Variants in CMTM4 observed in about 807,000 individuals in gnomAD.
CMTM4 encodes CKLF-like MARVEL transmembrane domain-containing protein 4.
In CMTM4, 8 loss-of-function variants were observed where a neutral mutation model predicts 19.0. The ratio of observed to expected loss-of-function variants is 0.42; its 90% CI spans 0.25 to 0.76. The LOEUF (loss-of-function observed/expected upper bound fraction) is 0.76, where lower values mean the gene tolerates loss of function less well. Among genes scored for constraint, CMTM4 ranks in the 30% least tolerant of loss-of-function variants. The pLI is 0.27. For missense variants in CMTM4, 228 were observed against 290.2 expected, an observed-to-expected ratio of 0.79 and a Z score of 1.56; for synonymous variants, 106 against 121.1, an observed-to-expected ratio of 0.88 and a Z score of 0.82.
At chr16:66,667,666 G>C (rs2016623771) in intron 1 of CMTM4, among the ~76,000 whole-genome samples, 2 of 152,330 alleles carry the variant, frequency 1.3e-5, no homozygotes, top group African/African-American at 2.4e-5. Flanking sequence ...GAGGTGGGCA[G>C]ATCACGAGGT....
downstream of CMTM4, chr16:66,610,716 G>C (rs1004817396): frequency 2.5e-5 from 10 of 397,880 alleles, no homozygotes; most frequent in African/African-American, 1.6e-4. This position sits in a 1 kb window ranked among gnomAD's most constrained non-coding sequence, Gnocchi z 4.6. Context: ...ATGTGCCCCT[G>C]TGCTGGCAGT....
the CMTM4 span, chr16:66,604,970 C>T: frequency 2.0e-6 from 3 of 1,482,088 alleles, no homozygotes; most frequent in East Asian, 8.7e-5. Flanking sequence ...CGGCGGGACC[C>T]TCGGCCGCCC....
chr16:66,643,169 C>A (rs2016128534), intron 1 of CMTM4, among the ~76,000 whole-genome samples: 1 of 152,190 alleles, frequency 6.6e-6, no homozygotes, highest in African/African-American at 2.4e-5. Context: ...GATCCACCCA[C>A]CTCAGCCCTG....
Position 66,620,108 on chromosome 16 carries a change from T to A in CMTM4, c.*1950A>T, listed in dbSNP as rs1389263979. 3 of 985,452 alleles carry A rather than the reference T, an allele frequency of 3.0e-6. No homozygotes were observed. The African/African-American group carries it at 5.2e-5, about 17-fold the overall frequency. 61.0% of individuals were successfully genotyped at this position (985,452 alleles called of 1,614,324 possible). A position where few individuals can be genotyped will look rare whatever the true frequency, so the allele number is the denominator to read the frequency against. ...ATCTCACTTCAAAGATGGCCTTTTT[T>A]GGGGGCCAAGTAACATGATTCCCAG... On this transcript the variant is annotated 3_prime_UTR_variant, in exon 4 of 4. Transcript: ENST00000394106.
At chr16:66,605,138 C>CGG in the CMTM4 span, 1 of 503,674 alleles carries the variant, frequency 2.0e-6, no homozygotes, top group Admixed American at 4.6e-5. This position sits in a 1 kb window ranked among gnomAD's most constrained non-coding sequence, Gnocchi z 4.6. Flanking sequence ...CTTTGGACGG[C>CGG]GGGGCGGGGC....
the CMTM4 span, among the ~76,000 whole-genome samples, chr16:66,598,337 G>A: frequency 1.3e-5 from 2 of 152,048 alleles, no homozygotes; most frequent in African/African-American, 2.4e-5. Flanking sequence ...CATCATGAGT[G>A]TGCAGTTAAC....
At position 66,617,107 on chromosome 16, in the gene CMTM4, A is replaced by G. The variant is rs1469432848; in HGVS notation, c.*4951T>C. The G allele has an allele frequency of 1.7e-6, 1 of 590,704 alleles. No individual in the cohort carries two copies. Among genetic ancestry groups the G allele is most frequent in the African/African-American group, 1.9e-5 (1 of 53,294 alleles). 36.6% of individuals were successfully genotyped at this position (590,704 alleles called of 1,614,324 possible). A position where few individuals can be genotyped will look rare whatever the true frequency, so the allele number is the denominator to read the frequency against. On this transcript the variant is annotated 3_prime_UTR_variant, in exon 4 of 4. Coordinates refer to ENST00000394106, the MANE Select transcript of CMTM4 (RefSeq NM_181521.3). ...CAATAGCTCCCTGGGGGTCCAAGCC[A>G]AAGGCTCCCTGGCCTTTGTGTATTA...
chr16:66,607,020 T>TG, the CMTM4 span, among the ~76,000 whole-genome samples: 2 of 152,142 alleles, frequency 1.3e-5, no homozygotes, highest in Non-Finnish European at 2.9e-5. Context: ...TAACTCTATC[T>TG]GGGGGGTCAG....
At chr16:66,680,164 T>C (rs890089970) in intron 1 of CMTM4, among the ~76,000 whole-genome samples, 2 of 152,122 alleles carry the variant, frequency 1.3e-5, no homozygotes, top group Non-Finnish European at 2.9e-5. Context: ...TACTGTAAAC[T>C]AAAAGCAAGA....
intron 1 of CMTM4, among the ~76,000 whole-genome samples, chr16:66,640,927 A>G (rs2016088151): frequency 6.6e-6 from 1 of 152,202 alleles, no homozygotes; most frequent in African/African-American, 2.4e-5. Context: ...AGCCCCAGGC[A>G]AGCCTTCAGA....
downstream of CMTM4, chr16:66,612,495 AG>A: frequency 9.5e-7 from 1 of 1,047,200 alleles, no homozygotes; most frequent in Non-Finnish European, 1.4e-6. This position sits in a 1 kb window ranked among gnomAD's most constrained non-coding sequence, Gnocchi z 6.0. Flanking sequence ...AGTCAGCTGC[AG>A]GAGGCCTGCA....
At chr16:66,683,051 G>A (rs527475149) in intron 1 of CMTM4, among the ~76,000 whole-genome samples, 16 of 148,914 alleles carry the variant, frequency 1.1e-4, no homozygotes, top group South Asian at 2.1e-4. Context: ...AAGTAATTAC[G>A]ATGGCATTTT....
intron 1 of CMTM4, among the ~76,000 whole-genome samples, chr16:66,643,880 A>G (rs1026854695): frequency 6.6e-6 from 1 of 152,066 alleles, no homozygotes; most frequent in African/African-American, 2.4e-5. Flanking sequence ...CAGCCTCCCA[A>G]GTAGCTGGGA....
At chr16:66,613,073 TTTGTCTGCAC>T, downstream of CMTM4, 1 of 702,960 alleles carries the variant, frequency 1.4e-6, no homozygotes, top group Non-Finnish European at 2.6e-6. Context: ...CCCCGGTGGG[TTTGTCTGCAC>T]TTGGTGCTCC....
intron 2 of CMTM4, 37 bp downstream of exon 2, chr16:66,636,368 T>C: frequency 6.3e-7 from 1 of 1,579,954 alleles, no homozygotes; most frequent in Middle Eastern, 1.7e-4. Flanking sequence ...AACAGGCACG[T>C]GATCCTTTCA....
the CMTM4 span, chr16:66,608,355 C>T: frequency 1.3e-5 from 21 of 1,614,224 alleles, no homozygotes; most frequent in African/African-American, 2.3e-4. This position sits in a 1 kb window ranked among gnomAD's most constrained non-coding sequence, Gnocchi z 5.1. Context: ...TCCTCAGCAT[C>T]TGCCTTCCTC....
At chr16:66,665,874 G>A (rs1424179095) in intron 1 of CMTM4, among the ~76,000 whole-genome samples, 1 of 151,344 alleles carries the variant, frequency 6.6e-6, no homozygotes, top group East Asian at 2.0e-4. Flanking sequence ...TTCGAGACCA[G>A]CCTGGCCAAC....
chr16:66,638,607 C>T (rs1398107397), intron 1 of CMTM4, among the ~76,000 whole-genome samples: 1 of 152,078 alleles, frequency 6.6e-6, no homozygotes, highest in Non-Finnish European at 1.5e-5. Flanking sequence ...GCCTGTAATC[C>T]CAGCACTTTG....
chr16:66,636,146 A>T (rs1395552443), intron 2 of CMTM4, among the ~76,000 whole-genome samples: 3 of 152,242 alleles, frequency 2.0e-5, no homozygotes, highest in Admixed American at 2.0e-4. Context: ...GTCTTCTCAG[A>T]TGATTGCAAA....
Sources: gnomAD v4.1 joint callset for allele counts (sites outside exome capture counted in the v4.1 genomes callset) on GRCh38, gnomAD v4.1.1 for gene constraint, Gnocchi (gnomAD v3.1) non-coding constraint, MANE v1.5 for transcripts, NCBI Gene and HGNC (gene_info 2026-07-23, HGNC 2026-07-21) for gene names.